The following BMP8A variants were observed in gnomAD, a reference collection of about 807,000 sequenced individuals.
The protein encoded by BMP8A is bone morphogenetic protein 8a, also known as BMP-8A.
BMP8A carries 14 observed loss-of-function variants against 36.8 expected under a neutral mutation model. The ratio of observed to expected loss-of-function variants is 0.38; its 90% CI spans 0.25 to 0.60. The LOEUF (loss-of-function observed/expected upper bound fraction) is 0.60, where lower values mean the gene tolerates loss of function less well. BMP8A is among the 20% of genes least tolerant of loss of function. The pLI, the probability that BMP8A is intolerant of heterozygous loss-of-function variation, is 0.63. For synonymous variants in BMP8A, 120 were observed against 237.7 expected (o/e 0.50, Z 4.55); for missense variants, 267 against 551.1 (o/e 0.48, Z 5.16).
intron 1 of BMP8A, among the ~76,000 whole-genome samples, chr1:39,492,999 C>T (rs1388285215): frequency 6.6e-6 from 1 of 152,236 alleles, no homozygotes; most frequent in African/African-American, 2.4e-5. Context: ...CAAAGCCGGG[C>T]TTTTCCTGTC....
rs556893199 is a variant in BMP8A, at chr1:39,524,545, G to A, written c.1060-1104G>A. On this transcript the variant is annotated intron_variant, in intron 6 of 6. Coordinates refer to ENST00000331593, the MANE Select transcript of BMP8A (RefSeq NM_181809.4). The surrounding 1 kb of genome is among the most constrained non-coding windows in gnomAD (Gnocchi z 4.0). ...AAGGCCCTAAGACAGGAGCAGGCTG[G>A]CCCTAAGTTCAGGGCCAGCAGGGAG... Among the ~76,000 whole-genome samples the A allele has an allele frequency of 1.3e-5, 2 of 152,284 alleles. No individual in the cohort carries two copies. Among genetic ancestry groups the A allele is most frequent in the Admixed American group, 1.3e-4 (2 of 15,306 alleles).
intron 1 of BMP8A, among the ~76,000 whole-genome samples, chr1:39,494,979 C>CAGTT (rs1381749246): frequency 1.6e-4 from 19 of 119,536 alleles, no homozygotes; most frequent in African/African-American, 5.8e-4. Context: ...AGAACTGTCT[C>CAGTT]AGAGTAGCTT....
Position 39,525,667 on chromosome 1 carries a change from A to G in BMP8A, c.1078A>G (p.Asn360Asp), listed in dbSNP as rs149527255. ...TGGCCAGGTGCACCTGATGAAGCCA[A>G]ACGCAGTCCCCAAGGCGTGCTGTGC... ...LQSLVHLMKP[N>D]AVPKACCAPT... is the part of the protein sequence containing the mutation. The change falls in exon 7 of 7, where the codon AAC becomes GAC. Residue 360 changes from asparagine to aspartate, a missense_variant. This residue lies in a region of BMP8A where 132 missense variants were observed against 151.3 expected (regional missense o/e 0.87). Transcript: ENST00000331593. 2.9e-5 allele frequency: 47 copies of G among 1,613,968 alleles called. No individual in the cohort carries two copies. In the Middle Eastern group the frequency reaches 4.9e-4, roughly 17 times the overall value.
chr1:39,495,274 G>T (rs145335322), intron 1 of BMP8A, among the ~76,000 whole-genome samples: 1 of 152,230 alleles, frequency 6.6e-6, no homozygotes. Flanking sequence ...AGAGGGCGGG[G>T]CTCTCGCTGG....
chr1:39,515,979 G>C, intron 3 of BMP8A: 1 of 1,384,144 alleles, frequency 7.2e-7, no homozygotes, highest in Non-Finnish European at 9.8e-7. Flanking sequence ...CTGGGCCTGG[G>C]CCCGTTTCCC....
Position 39,501,064 on chromosome 1 carries a change from AC to A in BMP8A, c.334+8740del, listed in dbSNP as rs563035457. ...TCAATTCATGGCAGAAAGTGGAAGG[AC>A]AGTGGGTGTGTACAAAGAGAGCATG... On this transcript the variant is annotated intron_variant, in intron 1 of 6. Coordinates refer to ENST00000331593, the MANE Select transcript of BMP8A (RefSeq NM_181809.4). 3.3e-3 allele frequency among the ~76,000 whole-genome samples: 508 copies of A among 152,368 alleles called. 2 individuals carry two copies. The highest frequency in any genetic ancestry group is 0.012 in the African/African-American group (490 of 41,584).
chr1:39,510,919 C>T (rs1397322004), intron 1 of BMP8A, among the ~76,000 whole-genome samples: 1 of 152,196 alleles, frequency 6.6e-6, no homozygotes, highest in Admixed American at 6.5e-5. Flanking sequence ...GGATTTGGAG[C>T]CTGGGGCCTG....
chr1:39,522,912 G>A (rs910086998), intron 5 of BMP8A, 95 bp from the exon 6 acceptor site: 9 of 1,221,874 alleles, frequency 7.4e-6, no homozygotes, highest in Non-Finnish European at 1.0e-5. Flanking sequence ...AAGCCTCTTG[G>A]GGGAGACGGC....
chr1:39,492,168 G>A lies in BMP8A; in HGVS notation c.177G>A (p.Arg59=), dbSNP rs879907273. Residue 59 remains arginine, a synonymous_variant, in exon 1 of 7, where the codon CGG becomes CGA. Coordinates refer to ENST00000331593, the MANE Select transcript of BMP8A (RefSeq NM_181809.4). ...LAVLGLPGRP[R]PRAPPAASRL... is the part of the protein sequence containing the mutation. ...TGCTCGGGCTACCCGGGCGGCCCCG[G>A]CCCCGCGCGCCACCCGCCGCCTCCC... The A allele has an allele frequency of 1.2e-4, 153 of 1,312,882 alleles. No individual in the cohort carries two copies. The East Asian group carries it at 4.8e-3, about 41-fold the overall frequency. 81.3% of individuals were successfully genotyped at this position (1,312,882 alleles called of 1,614,324 possible). A position where few individuals can be genotyped will look rare whatever the true frequency, so the allele number is the denominator to read the frequency against.
At chr1:39,514,906 G>C (rs1645383448) in intron 3 of BMP8A, 3 of 1,428,732 alleles carry the variant, frequency 2.1e-6, no homozygotes, top group Admixed American at 6.3e-5. Context: ...GCGGCCCGAG[G>C]CGCACGCAGG....
chr1:39,528,622 T>C lies in BMP8A; in HGVS notation c.*2824T>C, dbSNP rs183368090. Among the ~76,000 whole-genome samples, 2 of 152,226 alleles carry C rather than the reference T, an allele frequency of 1.3e-5. No homozygotes were observed. The highest frequency in any genetic ancestry group is 1.3e-4 in the Admixed American group (2 of 15,292). On this transcript the variant is annotated 3_prime_UTR_variant, in exon 7 of 7. Transcript: ENST00000331593. ...TGCGCTTTAGAGAAATTCCCTATTA[T>C]TTCACAGGAAAGGAGGCTGTGAAAA...
intron 1 of BMP8A, among the ~76,000 whole-genome samples, chr1:39,499,010 C>G (rs1645230221): frequency 6.6e-6 from 1 of 152,058 alleles, no homozygotes; most frequent in African/African-American, 2.4e-5. Context: ...CCGGGGCACC[C>G]CCGCTCTGGG....
At chr1:39,509,251 A>G (rs1249118216) in intron 1 of BMP8A, among the ~76,000 whole-genome samples, 4 of 152,192 alleles carry the variant, frequency 2.6e-5, no homozygotes, top group African/African-American at 9.7e-5. Flanking sequence ...GTGACAGCCA[A>G]CAGCATGGAC....
rs1645390514 is a variant in BMP8A at position 39,515,837 on chromosome 1, C to T, written c.673+3933C>T. ...TGGAAAGGAAGAGGACGCCAGGACGCGCATCATCAGACGCGCAGCTCTGGA... is the reference window on the plus strand; with the variant it reads ...TGGAAAGGAAGAGGACGCCAGGACGTGCATCATCAGACGCGCAGCTCTGGA... On this transcript the variant is annotated intron_variant, in intron 3 of 6. Transcript: ENST00000331593. 1.8e-5 allele frequency: 28 copies of T among 1,587,444 alleles called. 3 individuals carry two copies. The South Asian group carries it at 3.1e-4, about 18-fold the overall frequency.
rs1348703661 is a variant in BMP8A at position 39,527,108 on chromosome 1, G to C, written c.*1310G>C. ...ACTGCCAGTGTTTGCTTGTGTCTAGGAGTTATGAACAAGCTGGCCACCAAA... is the reference window on the plus strand; with the variant it reads ...ACTGCCAGTGTTTGCTTGTGTCTAGCAGTTATGAACAAGCTGGCCACCAAA... On this transcript the variant is annotated 3_prime_UTR_variant, in exon 7 of 7. Transcript: ENST00000331593. Among the ~76,000 whole-genome samples the C allele has an allele frequency of 6.6e-6, 1 of 152,168 alleles. No homozygotes were observed. Among genetic ancestry groups the C allele is most frequent in the African/African-American group, 2.4e-5 (1 of 41,432 alleles).
At position 39,529,364 on chromosome 1, in the gene BMP8A, G is replaced by A. The variant is rs754246028; in HGVS notation, c.*3566G>A. Among the ~76,000 whole-genome samples the A allele has an allele frequency of 1.3e-5, 2 of 152,086 alleles. No homozygotes were observed. Among genetic ancestry groups the A allele is most frequent in the Non-Finnish European group, 2.9e-5 (2 of 68,006 alleles). ...GGATGAGGTGTGGCCCTGCACACTC[G>A]CCTGCTCGTGGAAGGAGTCTGGGCC... On this transcript the variant is annotated 3_prime_UTR_variant, in exon 7 of 7. Transcript: ENST00000331593.
intron 1 of BMP8A, among the ~76,000 whole-genome samples, chr1:39,500,509 A>AC (rs2124322960): frequency 6.6e-6 from 1 of 151,586 alleles, no homozygotes; most frequent in Non-Finnish European, 1.5e-5. Flanking sequence ...CAGTTGAGAA[A>AC]CCTGTTCAAG....
intron 1 of BMP8A, among the ~76,000 whole-genome samples, chr1:39,501,729 A>G (rs1042450922): frequency 1.3e-5 from 2 of 152,208 alleles, no homozygotes; most frequent in African/African-American, 4.8e-5. Context: ...TCCCAAAGTG[A>G]TGGGGTTACA....
chr1:39,496,970 G>A (rs1193659163), intron 1 of BMP8A, among the ~76,000 whole-genome samples: 9 of 152,216 alleles, frequency 5.9e-5, no homozygotes, highest in South Asian at 2.1e-4. Context: ...CAATCCTTCC[G>A]GCAACTACTT....
Sources: gnomAD v4.1 joint callset for allele counts (sites outside exome capture counted in the v4.1 genomes callset) on GRCh38, gnomAD v4.1.1 for gene constraint, gnomAD v4.1.1 regional missense constraint, Gnocchi (gnomAD v3.1) non-coding constraint, MANE v1.5 for transcripts, NCBI Gene and HGNC (gene_info 2026-07-23, HGNC 2026-07-21) for gene names.